The following UVSSA variants were observed in gnomAD, a reference collection of about 807,000 sequenced individuals.
UVSSA encodes the protein UV stimulated scaffold protein A.
UVSSA carries 72 observed loss-of-function variants against 73.9 expected under a neutral mutation model. The observed-to-expected ratio is 0.97, with a 90% CI of 0.81 to 1.19. The LOEUF is 1.19. UVSSA is among the 50% of genes most tolerant of loss of function. UVSSA has a pLI of 0.00. For synonymous variants in UVSSA, 454 were observed against 391.3 expected (o/e 1.16, Z -1.89); for missense variants, 1,150 against 965.0 (o/e 1.19, Z -2.54).
chr4:1,348,288 C>G (rs989066689), intron 2 of UVSSA, 99 bp downstream of exon 2: 2 of 880,604 alleles, frequency 2.3e-6, no homozygotes, highest in Non-Finnish European at 3.7e-6. Flanking sequence ...GAGAACCACC[C>G]GAGGGACACA....
chr4:1,369,127 T>C (rs1026866991), intron 8 of UVSSA, among the ~76,000 whole-genome samples: 5 of 152,362 alleles, frequency 3.3e-5, no homozygotes, highest in East Asian at 3.9e-4. Flanking sequence ...GTTCTGCCGT[T>C]CTGCCGTTCT....
chr4:1,376,474 G>A (rs1013653283), intron 10 of UVSSA, among the ~76,000 whole-genome samples: 2 of 152,208 alleles, frequency 1.3e-5, no homozygotes, highest in African/African-American at 4.8e-5. Flanking sequence ...AGGCGGCCCT[G>A]GGGCCCGTTC....
chr4:1,357,449 C>T (rs930303410), intron 7 of UVSSA, among the ~76,000 whole-genome samples: 11 of 152,268 alleles, frequency 7.2e-5, no homozygotes, highest in African/African-American at 2.7e-4. Flanking sequence ...TCTACAGCAT[C>T]TGGGATGCCC....
intron 12 of UVSSA, 63 bp from the exon 13 acceptor site, chr4:1,383,703 C>A: frequency 1.9e-6 from 3 of 1,599,134 alleles, no homozygotes; most frequent in Non-Finnish European, 2.6e-6. Context: ...CTCCTGGGGG[C>A]CTCGGGTAAG....
intron 12 of UVSSA, among the ~76,000 whole-genome samples, chr4:1,382,126 G>C (rs537180266): frequency 1.1e-4 from 17 of 152,242 alleles, no homozygotes; most frequent in Non-Finnish European, 2.4e-4. Flanking sequence ...GGCAGATGTT[G>C]AGTGCAGCCT....
chr4:1,376,828 C>T (rs1044719577), intron 10 of UVSSA, among the ~76,000 whole-genome samples: 3 of 152,182 alleles, frequency 2.0e-5, no homozygotes, highest in East Asian at 1.9e-4. Flanking sequence ...TGCCGCAGGA[C>T]GGTTCTCCAC....
Position 1,385,901 on chromosome 4 carries a change from C to G in UVSSA, c.2070C>G (p.Asn690Lys). ...AAVRRVVAAM[N>K]RMDQKKHEKF... ...TGCGGAGGGTAGTGGCAGCCATGAA[C>G]CGGATGGACCAGAAGAAGCACGAGA... Residue 690 changes from asparagine to lysine, a missense_variant, in exon 14 of 14, where the codon AAC becomes AAG. Physicochemically the swap from Asn to Lys is moderately conservative, Grantham distance 94 (BLOSUM62 0). Transcript: ENST00000389851. 2 of 1,614,024 alleles carry G rather than the reference C, an allele frequency of 1.2e-6. No individual in the cohort carries two copies. Among genetic ancestry groups the G allele is most frequent in the Non-Finnish European group, 1.7e-6 (2 of 1,180,028 alleles).
chr4:1,358,241 A>G (rs1007364910), intron 7 of UVSSA, among the ~76,000 whole-genome samples: 3 of 152,234 alleles, frequency 2.0e-5, no homozygotes, highest in Admixed American at 2.0e-4. Flanking sequence ...GTCTGCGGCC[A>G]GGACTGACAG....
intron 7 of UVSSA, among the ~76,000 whole-genome samples, chr4:1,363,478 C>A (rs919181581): frequency 6.6e-6 from 1 of 152,146 alleles, no homozygotes; most frequent in Non-Finnish European, 1.5e-5. Context: ...TTTTTGAAAA[C>A]GACGCCCATA....
chr4:1,351,228 G>A (rs1470232576), intron 3 of UVSSA, among the ~76,000 whole-genome samples: 3 of 151,408 alleles, frequency 2.0e-5, no homozygotes, highest in Admixed American at 6.6e-5. Flanking sequence ...ACCACGCCCG[G>A]CTAATTTTTG....
At chr4:1,356,800 C>G (rs1293020953) in intron 7 of UVSSA, 1 of 152,390 alleles carries the variant, frequency 6.6e-6, no homozygotes, top group Non-Finnish European at 1.5e-5. Context: ...TTCAAGGTCA[C>G]TGCCCGGTCT....
rs371674406 is a variant in UVSSA at position 1,372,331 on chromosome 4, C to T, written c.1289-3033C>T. ...AAAAGACACATCTGGCGGCCTGTCA[C>T]GCGTCCATCCATGGCACTTTCTCTC... On this transcript the variant is annotated intron_variant, in intron 8 of 13. Transcript: ENST00000389851. Among the ~76,000 whole-genome samples the T allele has an allele frequency of 3.5e-4, 54 of 152,314 alleles. 1 individual carries two copies. The highest frequency in any genetic ancestry group is 2.9e-3 in the East Asian group (15 of 5,184).
intron 8 of UVSSA, among the ~76,000 whole-genome samples, chr4:1,372,711 A>G (rs1042772636): frequency 5.6e-5 from 8 of 142,730 alleles, no homozygotes; most frequent in African/African-American, 1.6e-4. Context: ...ATCTCAGAGC[A>G]CTCATCTCCT....
exon 14 of UVSSA, chr4:1,395,777 T>C (rs1415139509): frequency 6.2e-7 from 1 of 1,614,254 alleles, no homozygotes; most frequent in Non-Finnish European, 8.5e-7. Context: ...CCGTACATTC[T>C]ACTCATGGTG....
exon 14 of UVSSA, chr4:1,395,754 T>C: frequency 6.2e-7 from 1 of 1,614,150 alleles, no homozygotes; most frequent in Non-Finnish European, 8.5e-7. Context: ...GCCGGCCGAG[T>C]CAGACGCTGT....
intron 8 of UVSSA, among the ~76,000 whole-genome samples, chr4:1,370,462 C>T (rs752813083): frequency 2.0e-5 from 3 of 152,248 alleles, no homozygotes; most frequent in African/African-American, 7.2e-5. Flanking sequence ...CTCTGTGTGG[C>T]TCTGTCTCAC....
chr4:1,391,741 G>A (rs1193867833), downstream of UVSSA: 1 of 76,640 alleles, frequency 1.3e-5, no homozygotes, highest in Non-Finnish European at 4.0e-5. Context: ...GCTGGTCTCT[G>A]CCGTGAATCT....
At chr4:1,344,785 G>A (rs979007174), upstream of UVSSA, among the ~76,000 whole-genome samples, 1 of 152,186 alleles carries the variant, frequency 6.6e-6, no homozygotes, top group Non-Finnish European at 1.5e-5. Flanking sequence ...AACAAGCACG[G>A]CAGGTTTAGA....
Position 1,353,250 on chromosome 4 carries a change from G to T in UVSSA, c.771G>T (p.Leu257=), listed in dbSNP as rs747903233. 4.3e-6 allele frequency: 7 copies of T among 1,611,526 alleles called. No individual in the cohort carries two copies. The highest frequency in any genetic ancestry group is 8.5e-7 in the Non-Finnish European group (1 of 1,179,794). The change falls in exon 5 of 14, where the codon CTG becomes CTT. Residue 257 remains leucine (L), a synonymous_variant. Coordinates refer to ENST00000389851, the MANE Select transcript of UVSSA (RefSeq NM_020894.4). ...DGEQPCCSRD[L]PASAGHPRAG... is the part of the protein sequence containing the mutation. ...AGCAGCCCTGCTGCAGTAGAGACCT[G>T]CCTGCCTCTGCAGGCCACCCCAGAG...
Sources: allele counts gnomAD v4.1 joint callset (sites outside exome capture counted in the v4.1 genomes callset), GRCh38; gene constraint gnomAD v4.1.1; transcripts MANE v1.5; gene names NCBI Gene and HGNC (gene_info 2026-07-23, HGNC 2026-07-21).